TRMT9B: variants seen among roughly 807,000 people sequenced by gnomAD.
The protein encoded by TRMT9B is probable tRNA methyltransferase 9B.
In TRMT9B, 16 loss-of-function variants were observed where a neutral mutation model predicts 11.5. The observed-to-expected ratio is 1.39, with a 90% confidence interval of 0.94 to 2.11. The LOEUF (loss-of-function observed/expected upper bound fraction) is 2.11, where lower values mean the gene tolerates loss of function less well. Ranked by LOEUF, TRMT9B falls within the 30% of genes most tolerant of loss-of-function variation. The pLI is 0.00. For synonymous variants in TRMT9B, 274 were observed against 192.4 expected, an observed-to-expected ratio of 1.42 and a Z score of -3.51; for missense variants, 941 against 553.8, an observed-to-expected ratio of 1.70 and a Z score of -7.02.
intron 1 of TRMT9B, among the ~76,000 whole-genome samples, chr8:12,987,027 G>T (rs1806432508): frequency 6.6e-6 from 1 of 152,142 alleles, no homozygotes; most frequent in South Asian, 2.1e-4. Flanking sequence ...AGCTGGACTA[G>T]GTCCTATATG....
At chr8:13,009,129 G>A (rs146387855) in intron 3 of TRMT9B, among the ~76,000 whole-genome samples, 58 of 152,272 alleles carry the variant, frequency 3.8e-4, no homozygotes. Context: ...AAGATATTAT[G>A]CTAGGTGAAA....
intron 4 of TRMT9B, among the ~76,000 whole-genome samples, chr8:13,014,608 G>C (rs934698636): frequency 1.3e-5 from 2 of 152,116 alleles, no homozygotes; most frequent in Admixed American, 1.3e-4. Flanking sequence ...CCTTCATACT[G>C]GGGGTTAGGG....
chr8:12,982,225 C>T (rs567442721), intron 1 of TRMT9B, among the ~76,000 whole-genome samples: 25 of 152,224 alleles, frequency 1.6e-4, no homozygotes, highest in Middle Eastern at 3.4e-3. Context: ...CAGGTGAGGA[C>T]TTAACCCCAG....
In TRMT9B at chr8:13,027,386, C is replaced by T. The variant is rs1268565729; in HGVS notation, c.*5342C>T. 6.0e-6 allele frequency: 1 copy of T among 167,042 alleles called. No individual in the cohort carries two copies. The highest frequency in any genetic ancestry group is 1.5e-5 in the Non-Finnish European group (1 of 68,112). The allele number at this position is 167,042 out of a possible 1,614,324, so 10.3% of individuals were successfully genotyped here. ...CATATTAGCATATTTAAGGAGTACCCTAAAGCTTGGACTTAATCTAGCTTA... is the reference window on the plus strand; with the variant it reads ...CATATTAGCATATTTAAGGAGTACCTTAAAGCTTGGACTTAATCTAGCTTA... On this transcript the variant is annotated 3_prime_UTR_variant, in exon 5 of 5. Transcript: ENST00000524591.
rs117971305 is a variant in TRMT9B, at chr8:12,996,798, G to A, written c.-2+5767G>A. ...ACCTGAGCGCCCTCATGTAACCCGA[G>A]CCCAGATCAAGAAACAGAACATTAT... On this transcript the variant is annotated intron_variant, in intron 2 of 4. Transcript: ENST00000524591. 6.2e-3 allele frequency among the ~76,000 whole-genome samples: 936 copies of A among 152,054 alleles called. 9 individuals carry two copies. The highest frequency in any genetic ancestry group is 0.021 in the Admixed American group (313 of 15,268).
intron 2 of TRMT9B, among the ~76,000 whole-genome samples, chr8:12,993,796 A>G (rs2954182): frequency 0.15 from 22,312 of 152,226 alleles, 2,627 homozygotes; most frequent in African/African-American, 0.33. Context: ...ACATGCTGTG[A>G]TTGTGAAGAA....
intron 2 of TRMT9B, among the ~76,000 whole-genome samples, chr8:12,995,930 A>G (rs1808258587): frequency 6.6e-6 from 1 of 152,232 alleles, no homozygotes; most frequent in African/African-American, 2.4e-5. Flanking sequence ...ACATGAGAGT[A>G]ATAAATGAGG....
chr8:12,996,389 T>C (rs1808343392), intron 2 of TRMT9B, among the ~76,000 whole-genome samples: 1 of 152,202 alleles, frequency 6.6e-6, no homozygotes, highest in Admixed American at 6.5e-5. Context: ...TACTGGATAA[T>C]CTGGCATTAG....
intron 1 of TRMT9B, among the ~76,000 whole-genome samples, chr8:12,977,228 G>A (rs13282842): frequency 0.026 from 3,985 of 152,258 alleles, 72 homozygotes; most frequent in South Asian, 0.085. Flanking sequence ...ATGGGCTCAG[G>A]GTTTATTACT....
intron 2 of TRMT9B, 135 bp from the exon 3 acceptor site, chr8:13,006,067 A>G: frequency 5.3e-6 from 4 of 759,026 alleles, no homozygotes; most frequent in Non-Finnish European, 8.3e-6. Context: ...TGTTCTTTGC[A>G]GCTTATAAGA....
intron 2 of TRMT9B, among the ~76,000 whole-genome samples, chr8:13,003,335 T>C (rs1299870905): frequency 1.3e-5 from 2 of 152,050 alleles, no homozygotes; most frequent in African/African-American, 4.8e-5. Context: ...CATGCCAAAA[T>C]AGAATAGAAT....
intron 3 of TRMT9B, chr8:13,011,668 A>G (rs1226896145): frequency 3.1e-6 from 3 of 980,120 alleles, no homozygotes; most frequent in South Asian, 4.7e-5. Context: ...GACCTCAATG[A>G]TCTAAATATT....
intron 1 of TRMT9B, among the ~76,000 whole-genome samples, chr8:12,950,468 C>T (rs188927079): frequency 6.1e-4 from 93 of 152,016 alleles, no homozygotes; most frequent in African/African-American, 2.1e-3. Context: ...TGAATGGAAG[C>T]AAGGATGAGC....
chr8:12,980,080 G>A (rs933716728), intron 1 of TRMT9B, among the ~76,000 whole-genome samples: 5 of 152,076 alleles, frequency 3.3e-5, no homozygotes, highest in East Asian at 3.9e-4. Context: ...TTTGTTTCCC[G>A]GGGCTGCTGT....
intron 1 of TRMT9B, among the ~76,000 whole-genome samples, chr8:12,957,470 T>TA (rs33994103): frequency 0.87 from 131,659 of 151,924 alleles, 57,143 homozygotes; most frequent in Middle Eastern, 0.91. Flanking sequence ...TTAGAGTAAT[T>TA]AAAAAAATAC....
chr8:12,979,389 T>G (rs976719894), intron 1 of TRMT9B, among the ~76,000 whole-genome samples: 1 of 152,134 alleles, frequency 6.6e-6, no homozygotes, highest in African/African-American at 2.4e-5. Flanking sequence ...CAAGCCTGTG[T>G]CGAGTTAAGA....
At chr8:12,965,526 A>T (rs929934973) in intron 1 of TRMT9B, among the ~76,000 whole-genome samples, 5 of 152,078 alleles carry the variant, frequency 3.3e-5, no homozygotes, top group Non-Finnish European at 7.4e-5. Flanking sequence ...ATGTCACCAA[A>T]CTCATTAGTC....
chr8:12,977,158 C>G (rs1009395432), intron 1 of TRMT9B, among the ~76,000 whole-genome samples: 7 of 152,208 alleles, frequency 4.6e-5, no homozygotes, highest in African/African-American at 1.4e-4. Context: ...GAAGGTGACC[C>G]CAGACAATCA....
chr8:12,983,151 G>C (rs1805695364), intron 1 of TRMT9B, among the ~76,000 whole-genome samples: 1 of 152,160 alleles, frequency 6.6e-6, no homozygotes, highest in Non-Finnish European at 1.5e-5. Context: ...TGAGAAAAAG[G>C]AAGCATTTAT....
Sources: gnomAD v4.1 joint callset for allele counts (sites outside exome capture counted in the v4.1 genomes callset) on GRCh38, gnomAD v4.1.1 for gene constraint, MANE v1.5 for transcripts, NCBI Gene and HGNC (gene_info 2026-07-23, HGNC 2026-07-21) for gene names.